IGSF5: variants seen among roughly 807,000 people sequenced by gnomAD.
IGSF5 encodes immunoglobulin superfamily member 5, also known as immunoglobulin superfamily 5 like.
IGSF5 carries 41 observed loss-of-function variants against 39.4 expected under a neutral mutation model. The ratio of observed to expected loss-of-function variants is 1.04; its 90% CI spans 0.81 to 1.35. The LOEUF (loss-of-function observed/expected upper bound fraction) is 1.35. Ranked by LOEUF, IGSF5 falls within the 40% of genes most tolerant of loss-of-function variation. IGSF5 has a pLI of 0.00. For synonymous variants in IGSF5, 183 were observed against 175.3 expected (o/e 1.04, Z -0.34); for missense variants, 487 against 494.6 (o/e 0.98, Z 0.15).
At chr21:39,752,573 C>A (rs1019653204) in intron 2 of IGSF5, among the ~76,000 whole-genome samples, 2 of 152,152 alleles carry the variant, frequency 1.3e-5, no homozygotes, top group African/African-American at 2.4e-5. Flanking sequence ...ACTTTTAGTT[C>A]TTTAAGGAAC....
chr21:39,725,135 T>A, the IGSF5 span, among the ~76,000 whole-genome samples: 1 of 152,260 alleles, frequency 6.6e-6, no homozygotes, highest in Non-Finnish European at 1.5e-5. Flanking sequence ...CCATTCCAGA[T>A]AGAGATCAGG....
the IGSF5 span, among the ~76,000 whole-genome samples, chr21:39,737,410 C>T: frequency 2.0e-5 from 3 of 152,148 alleles, no homozygotes; most frequent in African/African-American, 7.2e-5. Flanking sequence ...TCAGATCCCA[C>T]AGGGCGAGGG....
chr21:39,794,123 AG>A (rs1179783456), intron 8 of IGSF5, among the ~76,000 whole-genome samples: 1 of 152,188 alleles, frequency 6.6e-6, no homozygotes, highest in Non-Finnish European at 1.5e-5. Context: ...GATAAGCTTG[AG>A]GGCTGAAAAA....
At chr21:39,721,874 A>G in the IGSF5 span, among the ~76,000 whole-genome samples, 1 of 152,184 alleles carries the variant, frequency 6.6e-6, no homozygotes, top group African/African-American at 2.4e-5. Flanking sequence ...GGTCATACCC[A>G]TTAAAAAAAT....
chr21:39,745,782 C>T (rs1375535451), intron 1 of IGSF5, among the ~76,000 whole-genome samples: 2 of 152,158 alleles, frequency 1.3e-5, no homozygotes, highest in South Asian at 4.1e-4. Context: ...CCACGCTAAT[C>T]GTTTTTAACT....
At chr21:39,789,939 A>G (rs2086953094) in intron 6 of IGSF5, among the ~76,000 whole-genome samples, 1 of 152,212 alleles carries the variant, frequency 6.6e-6, no homozygotes, top group African/African-American at 2.4e-5. Flanking sequence ...TGCTAGTTTT[A>G]GATAGATACT....
intron 2 of IGSF5, among the ~76,000 whole-genome samples, chr21:39,755,456 A>G (rs2410179): frequency 0.82 from 123,587 of 151,388 alleles, 50,616 homozygotes; most frequent in Admixed American, 0.86. Flanking sequence ...GCATGGTGGC[A>G]GGTGCCTGTA....
chr21:39,783,144 T>G (rs1423670258), intron 5 of IGSF5, among the ~76,000 whole-genome samples: 2 of 152,234 alleles, frequency 1.3e-5, no homozygotes, highest in African/African-American at 4.8e-5. Context: ...TTTAGATTGA[T>G]TTCATATCTT....
chr21:39,777,002 C>G (rs2080144924), intron 4 of IGSF5, among the ~76,000 whole-genome samples: 1 of 152,206 alleles, frequency 6.6e-6, no homozygotes, highest in Non-Finnish European at 1.5e-5. Flanking sequence ...TCAGAACTTT[C>G]ACACACACCC....
the IGSF5 span, among the ~76,000 whole-genome samples, chr21:39,722,286 C>T: frequency 6.6e-6 from 1 of 152,168 alleles, no homozygotes; most frequent in Non-Finnish European, 1.5e-5. Context: ...AAGTGCTGTA[C>T]TCAATGCACC....
the IGSF5 span, among the ~76,000 whole-genome samples, chr21:39,721,818 C>T: frequency 6.6e-6 from 1 of 152,020 alleles, no homozygotes; most frequent in African/African-American, 2.4e-5. Flanking sequence ...CATCTACCTG[C>T]CTATTTATCA....
chr21:39,740,031 G>A, the IGSF5 span, among the ~76,000 whole-genome samples: 4 of 152,198 alleles, frequency 2.6e-5, no homozygotes, highest in African/African-American at 9.7e-5. Flanking sequence ...AAGTTTTGGT[G>A]AGTGGTTTTA....
At chr21:39,713,896 C>T in the IGSF5 span, among the ~76,000 whole-genome samples, 1 of 152,250 alleles carries the variant, frequency 6.6e-6, no homozygotes, top group Non-Finnish European at 1.5e-5. Context: ...CACCTCCTGG[C>T]AACATACTTG....
At chr21:39,720,701 C>T in the IGSF5 span, among the ~76,000 whole-genome samples, 171 of 152,180 alleles carry the variant, frequency 1.1e-3, 3 homozygotes, top group South Asian at 0.032. Context: ...AAAAACTGAG[C>T]GAATAAATCT....
upstream of IGSF5, among the ~76,000 whole-genome samples, chr21:39,741,196 G>A (rs1217442244): frequency 6.6e-6 from 1 of 152,144 alleles, no homozygotes; most frequent in Non-Finnish European, 1.5e-5. Flanking sequence ...TTTAGGGCAT[G>A]GAAAGCTGCT....
chr21:39,742,317 A>G (rs1006270218), upstream of IGSF5, among the ~76,000 whole-genome samples: 8 of 152,310 alleles, frequency 5.3e-5, no homozygotes, highest in Non-Finnish European at 7.3e-5. Flanking sequence ...TAGTGGCTGG[A>G]AGAAGTATCT....
chr21:39,749,078 C>T (rs575058863), intron 2 of IGSF5, among the ~76,000 whole-genome samples: 12 of 151,974 alleles, frequency 7.9e-5, no homozygotes, highest in Non-Finnish European at 1.8e-4. Context: ...TGGGAGCCAA[C>T]AAAGGAAGTA....
At chr21:39,770,140 A>G (rs545708772) in intron 3 of IGSF5, among the ~76,000 whole-genome samples, 56 of 152,308 alleles carry the variant, frequency 3.7e-4, no homozygotes, top group Non-Finnish European at 6.6e-4. Context: ...ACATATATGT[A>G]TACACATTTC....
At chr21:39,736,304 T>A in the IGSF5 span, among the ~76,000 whole-genome samples, 1 of 152,222 alleles carries the variant, frequency 6.6e-6, no homozygotes, top group African/African-American at 2.4e-5. Context: ...GACTGCAATT[T>A]AAATTACAAC....
Sources: gnomAD v4.1 joint callset for allele counts (sites outside exome capture counted in the v4.1 genomes callset) on GRCh38, gnomAD v4.1.1 for gene constraint, MANE v1.5 for transcripts, NCBI Gene and HGNC (gene_info 2026-07-23, HGNC 2026-07-21) for gene names.